The following TNNI3K variants were observed in gnomAD, a reference collection of about 807,000 sequenced individuals.
The protein encoded by TNNI3K is TNNI3 interacting kinase.
A neutral mutation model predicts 114.5 loss-of-function variants in TNNI3K; 140 were observed. That is an observed-to-expected ratio of 1.22 (90% confidence interval 1.07 to 1.41). The LOEUF (loss-of-function observed/expected upper bound fraction) is 1.41, where lower values mean the gene tolerates loss of function less well. Ranked by LOEUF, TNNI3K falls within the 40% of genes most tolerant of loss-of-function variation. The pLI is 0.00. For missense variants in TNNI3K, 1,125 were observed against 1,007.6 expected (o/e 1.12, Z -1.58); for synonymous variants, 347 against 347.5 (o/e 1.00, Z 0.02).
At chr1:74,502,844 G>T (rs1169356342) in intron 23 of TNNI3K, among the ~76,000 whole-genome samples, 1 of 152,108 alleles carries the variant, frequency 6.6e-6, no homozygotes, top group Non-Finnish European at 1.5e-5. Context: ...GCGTGCCGTG[G>T]ACTCCCTCTG....
chr1:74,242,308 C>A (rs1025504500), intron 2 of TNNI3K, among the ~76,000 whole-genome samples: 2 of 151,992 alleles, frequency 1.3e-5, no homozygotes, highest in African/African-American at 2.4e-5. Flanking sequence ...ATGCTCTGTT[C>A]CATTAAATAG....
At chr1:74,363,126 A>G (rs1233916452) in intron 11 of TNNI3K, among the ~76,000 whole-genome samples, 2 of 152,078 alleles carry the variant, frequency 1.3e-5, no homozygotes, top group Non-Finnish European at 2.9e-5. Flanking sequence ...TGTATCCATT[A>G]TCAGGAGTTT....
chr1:74,408,668 G>GT (rs1664736930), intron 17 of TNNI3K, among the ~76,000 whole-genome samples: 1 of 152,178 alleles, frequency 6.6e-6, no homozygotes, highest in African/African-American at 2.4e-5. Context: ...AGTTACTCAA[G>GT]TTAGTCACAA....
At chr1:74,515,068 A>C (rs1646329899) in intron 23 of TNNI3K, among the ~76,000 whole-genome samples, 1 of 152,210 alleles carries the variant, frequency 6.6e-6, no homozygotes, top group South Asian at 2.1e-4. Context: ...GGACATGGGC[A>C]CAGAATTTTC....
intron 21 of TNNI3K, chr1:74,483,497 C>G: frequency 1.9e-6 from 1 of 523,906 alleles, no homozygotes. Context: ...TCTTGGTGTT[C>G]TCTTAAGATG....
At chr1:74,468,866 C>T (rs1217859730) in intron 21 of TNNI3K, 1 of 151,872 alleles carries the variant, frequency 6.6e-6, no homozygotes, top group Non-Finnish European at 1.5e-5. Flanking sequence ...ACAGTGGTCT[C>T]AATAATTAAA....
At chr1:74,405,229 A>G (rs570140706) in intron 17 of TNNI3K, among the ~76,000 whole-genome samples, 1 of 152,212 alleles carries the variant, frequency 6.6e-6, no homozygotes, top group African/African-American at 2.4e-5. Flanking sequence ...GAGACGGGGG[A>G]GCATATACAA....
chr1:74,312,937 C>T (rs756636452), intron 5 of TNNI3K, among the ~76,000 whole-genome samples: 4 of 152,134 alleles, frequency 2.6e-5, no homozygotes, highest in South Asian at 2.1e-4. Context: ...TTCATCAATG[C>T]GGCCACCTGA....
At chr1:74,480,850 G>T (rs1345524880) in intron 21 of TNNI3K, 1 of 717,472 alleles carries the variant, frequency 1.4e-6, no homozygotes. Flanking sequence ...GAACATCCTC[G>T]ATACCATTTC....
At chr1:74,291,807 C>T (rs1254385174) in intron 5 of TNNI3K, among the ~76,000 whole-genome samples, 1 of 151,414 alleles carries the variant, frequency 6.6e-6, no homozygotes, top group African/African-American at 2.4e-5. Context: ...AGTGCTTTAC[C>T]TACCTAATAT....
chr1:74,250,791 A>G, intron 4 of TNNI3K, 22 bp downstream of exon 4: 1 of 1,583,558 alleles, frequency 6.3e-7, no homozygotes, highest in Non-Finnish European at 8.6e-7. Flanking sequence ...TAATTCCCAT[A>G]AACACTGCAT....
Position 74,309,366 on chromosome 1 carries a change from C to CAAAAAA in TNNI3K, c.445-22074_445-22069dup, listed in dbSNP as rs71078188. Among the ~76,000 whole-genome samples the CAAAAAA allele has an allele frequency of 2.4e-3, 59 of 24,096 alleles. 5 individuals are homozygous for CAAAAAA. The highest frequency in any genetic ancestry group is 0.01 in the African/African-American group (57 of 5,662). The allele number at this position is 24,096 out of a possible 152,430, so 15.8% of individuals were successfully genotyped here. ...CCTGGGCGACAGCGAGACTCTGTCT[C>CAAAAAA]AAAAAAAAAAAAAAAGAAGAGATAA... On this transcript the variant is annotated intron_variant, in intron 5 of 24. Coordinates refer to ENST00000326637, the MANE Select transcript of TNNI3K (RefSeq NM_015978.3).
chr1:74,471,319 G>A (rs900917179), intron 21 of TNNI3K: 4 of 400,544 alleles, frequency 1.0e-5, no homozygotes, highest in African/African-American at 4.1e-5. Flanking sequence ...AAGAAAATCT[G>A]CAGAACACAC....
rs1481883904 is a variant in TNNI3K, at chr1:74,436,253, A to T, written c.1825+121A>T. Reference sequence around the variant, plus strand: ...GACAGCTATACTACACTGAACACTGACAGCTATCCTACCATAAATCATTCA... The same window carrying T: ...GACAGCTATACTACACTGAACACTGTCAGCTATCCTACCATAAATCATTCA... On this transcript the variant is annotated intron_variant, in intron 18 of 24. Coordinates refer to ENST00000326637, the MANE Select transcript of TNNI3K (RefSeq NM_015978.3). 3.1e-6 allele frequency: 4 copies of T among 1,304,032 alleles called. No homozygotes were observed. The African/African-American group carries it at 6.0e-5, about 20-fold the overall frequency. The allele number at this position is 1,304,032 out of a possible 1,614,324, so 80.8% of individuals were successfully genotyped here.
At chr1:74,379,356 T>G (rs1663082904) in intron 17 of TNNI3K, among the ~76,000 whole-genome samples, 1 of 151,492 alleles carries the variant, frequency 6.6e-6, no homozygotes, top group African/African-American at 2.4e-5. Flanking sequence ...CACACACACT[T>G]TTTTTTCTTC....
Position 74,492,249 on chromosome 1 carries a change from T to C in TNNI3K, c.2334T>C (p.Tyr778=), listed in dbSNP as rs149614295. ...ELEYALNARS[Y]AALSQSAGQY... The stretch of plus-strand genomic sequence containing the variant: ...AATATGCTCTAAATGCAAGGTCCTA[T>C]GCTGCTTTGTCCCAAAGGTGAGTGG... The change falls in exon 23 of 25, where the codon TAT becomes TAC. Residue 778 remains tyrosine, a synonymous_variant. Coordinates refer to ENST00000326637, the MANE Select transcript of TNNI3K (RefSeq NM_015978.3). 2 of 1,588,374 alleles carry C rather than the reference T, an allele frequency of 1.3e-6. No individual in the cohort carries two copies. The highest frequency in any genetic ancestry group is 1.7e-5 in the Admixed American group (1 of 59,060).
intron 17 of TNNI3K, among the ~76,000 whole-genome samples, chr1:74,390,071 A>G (rs1287612544): frequency 6.6e-6 from 1 of 152,228 alleles, no homozygotes; most frequent in African/African-American, 2.4e-5. Context: ...GAGCAAAAAT[A>G]AAAGGTCTCA....
chr1:74,350,387 A>G (rs184228148), intron 9 of TNNI3K, among the ~76,000 whole-genome samples: 7 of 152,202 alleles, frequency 4.6e-5, no homozygotes, highest in African/African-American at 1.7e-4. Context: ...TTTACTTCCA[A>G]CTATGTGGTT....
In TNNI3K at chr1:74,447,403, A is replaced by C. The variant is rs994554242; in HGVS notation, c.2011+7781A>C. Among the ~76,000 whole-genome samples, 18 of 149,364 alleles carry C rather than the reference A, an allele frequency of 1.2e-4. 1 individual carries two copies. Among genetic ancestry groups the C allele is most frequent in the African/African-American group, 4.4e-4 (17 of 38,860 alleles). ...TCCAGAATCTACAATGAACTCAAAC[A>C]AATTTACAAGAAAAAAACAAACAAC... On this transcript the variant is annotated intron_variant, in intron 20 of 24. Transcript: ENST00000326637.
Sources: allele counts gnomAD v4.1 joint callset (sites outside exome capture counted in the v4.1 genomes callset), GRCh38; gene constraint gnomAD v4.1.1; transcripts MANE v1.5; gene names NCBI Gene and HGNC (gene_info 2026-07-23, HGNC 2026-07-21).